The following CNTLN variants were observed in gnomAD, a reference collection of about 807,000 sequenced individuals.
CNTLN encodes centlein, centrosomal protein.
In CNTLN, 212 loss-of-function variants were observed where a neutral mutation model predicts 180.0. That is an observed-to-expected ratio of 1.18 (90% CI 1.05 to 1.32). The LOEUF (loss-of-function observed/expected upper bound fraction) is 1.32. Ranked by LOEUF, CNTLN falls within the 40% of genes most tolerant of loss-of-function variation. The pLI, the probability that CNTLN is intolerant of heterozygous loss-of-function variation, is 0.00. For synonymous variants in CNTLN, 722 were observed against 563.1 expected (o/e 1.28, Z -3.99); for missense variants, 2,095 against 1,610.9 (o/e 1.30, Z -5.14).
At chr9:17,443,157 C>T (rs1227529764) in intron 18 of CNTLN, among the ~76,000 whole-genome samples, 1 of 152,054 alleles carries the variant, frequency 6.6e-6, no homozygotes, top group African/African-American at 2.4e-5. Context: ...TACTTGAGTA[C>T]CTAACCAGCA....
intron 12 of CNTLN, among the ~76,000 whole-genome samples, chr9:17,362,283 C>A (rs1393314028): frequency 6.6e-6 from 1 of 152,084 alleles, no homozygotes; most frequent in Non-Finnish European, 1.5e-5. Context: ...TCAGTATGTT[C>A]CACGTTCTTA....
intron 12 of CNTLN, among the ~76,000 whole-genome samples, chr9:17,352,112 C>G (rs1032936137): frequency 3.3e-5 from 5 of 151,812 alleles, no homozygotes; most frequent in Non-Finnish European, 7.4e-5. Flanking sequence ...AATTTTACCC[C>G]CATGTATTAT....
In CNTLN at chr9:17,159,117, T is replaced by G. The variant is rs1819500946; in HGVS notation, c.449+15741T>G. Among the ~76,000 whole-genome samples the G allele has an allele frequency of 2.6e-5, 4 of 152,198 alleles. No individual in the cohort carries two copies. In the South Asian group the frequency reaches 8.3e-4, roughly 32 times the overall value. ...GTGTGTTGTTTAATTTCCACTTATT[T>G]GTGAGCTTCTCAGTTTTCCAATTTT... On this transcript the variant is annotated intron_variant, in intron 2 of 25. Transcript: ENST00000380647.
intron 13 of CNTLN, among the ~76,000 whole-genome samples, chr9:17,373,854 A>G (rs1458856979): frequency 6.6e-6 from 1 of 152,220 alleles, no homozygotes; most frequent in Non-Finnish European, 1.5e-5. Context: ...TTGCCAAGAC[A>G]TACATTGGGA....
Position 17,436,661 on chromosome 9 carries a change from T to C in CNTLN, c.3114+20472T>C, listed in dbSNP as rs1422312579. ...TTCTGTATTTGGAGTTATGTGATTG[T>C]TACTGTATCCAAACTTATATTTGTC... On this transcript the variant is annotated intron_variant, in intron 18 of 25. Coordinates refer to ENST00000380647, the MANE Select transcript of CNTLN (RefSeq NM_017738.4). Among the ~76,000 whole-genome samples the C allele has an allele frequency of 2.0e-5, 3 of 152,232 alleles. No homozygotes were observed. The East Asian group carries it at 5.8e-4, about 29-fold the overall frequency.
intron 23 of CNTLN, among the ~76,000 whole-genome samples, chr9:17,482,817 G>C (rs1241751779): frequency 6.6e-6 from 1 of 152,182 alleles, no homozygotes; most frequent in Non-Finnish European, 1.5e-5. Context: ...CTTGGAGAAA[G>C]ATGGACTGCT....
At chr9:17,157,747 G>A (rs1040881498) in intron 2 of CNTLN, among the ~76,000 whole-genome samples, 1 of 152,146 alleles carries the variant, frequency 6.6e-6, no homozygotes, top group African/African-American at 2.4e-5. Flanking sequence ...AGACATGTAT[G>A]TCATATTTTT....
chr9:17,494,294 G>A (rs1269463468), intron 25 of CNTLN, among the ~76,000 whole-genome samples: 2 of 152,126 alleles, frequency 1.3e-5, no homozygotes, highest in African/African-American at 4.8e-5. Context: ...ACTGCATGAG[G>A]ACATTTTGGC....
intron 7 of CNTLN, among the ~76,000 whole-genome samples, chr9:17,305,909 T>C (rs1429337835): frequency 2.0e-5 from 3 of 152,288 alleles, no homozygotes; most frequent in African/African-American, 7.2e-5. Flanking sequence ...TAAGAATTTT[T>C]CCCAAAACCT....
intron 1 of CNTLN, among the ~76,000 whole-genome samples, chr9:17,141,953 G>A (rs1264143082): frequency 1.3e-5 from 2 of 151,736 alleles, no homozygotes; most frequent in African/African-American, 2.4e-5. Flanking sequence ...GTGGTGGTGC[G>A]TGCCTGTAGT....
intron 2 of CNTLN, among the ~76,000 whole-genome samples, chr9:17,224,759 C>A (rs1297309839): frequency 6.6e-6 from 1 of 151,814 alleles, no homozygotes; most frequent in Non-Finnish European, 1.5e-5. Context: ...ATTAGTTATT[C>A]TTTTGTCTTT....
intron 15 of CNTLN, among the ~76,000 whole-genome samples, chr9:17,395,567 C>G (rs892469960): frequency 1.4e-4 from 21 of 152,034 alleles, no homozygotes; most frequent in Admixed American, 7.9e-4. Flanking sequence ...TGTTTAACAT[C>G]CTTTAAATTA....
At chr9:17,237,400 CACACACG>C (rs1563910365) in intron 5 of CNTLN, among the ~76,000 whole-genome samples, 53 of 140,866 alleles carry the variant, frequency 3.8e-4, no homozygotes, top group African/African-American at 1.3e-3. Flanking sequence ...CACACACACA[CACACACG>C]GTTAGTCAAC....
chr9:17,209,087 T>C (rs930941713), intron 2 of CNTLN, among the ~76,000 whole-genome samples: 8 of 152,138 alleles, frequency 5.3e-5, no homozygotes, highest in African/African-American at 1.9e-4. Context: ...CTATAAACTT[T>C]CCTGTTAGTA....
At position 17,453,752 on chromosome 9, in the gene CNTLN, G is replaced by C. The variant is rs370388750; in HGVS notation, c.3115-3772G>C. Among the ~76,000 whole-genome samples the C allele has an allele frequency of 9.2e-5, 14 of 152,274 alleles. No individual in the cohort carries two copies. In the South Asian group the frequency reaches 1.0e-3, roughly 11 times the overall value. On this transcript the variant is annotated intron_variant, in intron 18 of 25. Transcript: ENST00000380647. ...CTGAGGTCCGTGGCTTGCTGGCTAA[G>C]AGCCAAGGATCATTCTCAACTCATT...
chr9:17,177,742 C>T (rs1003350887), intron 2 of CNTLN, among the ~76,000 whole-genome samples: 5 of 152,022 alleles, frequency 3.3e-5, no homozygotes, highest in South Asian at 4.2e-4. Flanking sequence ...TGCAGACCTT[C>T]GCGGTGAGTG....
chr9:17,366,642 G>T lies in CNTLN; in HGVS notation c.1912G>T (p.Glu638Ter). The T allele has an allele frequency of 1.3e-6, 2 of 1,555,294 alleles. No individual in the cohort carries two copies. The highest frequency in any genetic ancestry group is 1.2e-5 in the South Asian group (1 of 86,458). Reference protein sequence around the residue: ...QKMNLEEELDELKVHISIDKA... With the variant: ...QKMNLEEELD ...GATGAATCTTGAAGAAGAATTAGAT[G>T]AACTTAAAGTACATATATCTATTGA... Residue 638 changes from glutamate to a stop codon, truncating the protein, a stop_gained, in exon 13 of 26, where the codon GAA becomes TAA. Coordinates refer to ENST00000380647, the MANE Select transcript of CNTLN (RefSeq NM_017738.4). LOFTEE classifies it high-confidence loss of function.
intron 8 of CNTLN, among the ~76,000 whole-genome samples, chr9:17,311,970 G>C (rs938279817): frequency 6.6e-6 from 1 of 151,410 alleles, no homozygotes; most frequent in African/African-American, 2.4e-5. Flanking sequence ...AAGACAGTAT[G>C]GTGTTAGTAT....
intron 15 of CNTLN, among the ~76,000 whole-genome samples, chr9:17,403,768 T>C (rs1488570999): frequency 2.0e-5 from 3 of 151,700 alleles, no homozygotes; most frequent in African/African-American, 7.3e-5. Context: ...AGAAGCAGAC[T>C]GAAAGACACA....
Sources: gnomAD v4.1 joint callset for allele counts (sites outside exome capture counted in the v4.1 genomes callset) on GRCh38, gnomAD v4.1.1 for gene constraint, MANE v1.5 for transcripts, NCBI Gene and HGNC (gene_info 2026-07-23, HGNC 2026-07-21) for gene names.